The following GALNT13 variants were observed in gnomAD, a reference collection of about 807,000 sequenced individuals.
The protein encoded by GALNT13 is UDP-GalNAc:polypeptide N-acetylgalactosaminyltransferase 13.
In GALNT13, 28 loss-of-function variants were observed where a neutral mutation model predicts 64.2. The ratio of observed to expected loss-of-function variants is 0.44; its 90% confidence interval spans 0.32 to 0.60. The LOEUF is 0.60. Among genes scored for constraint, GALNT13 ranks in the 20% least tolerant of loss-of-function variants. The pLI is 0.05. For synonymous variants in GALNT13, 214 were observed against 224.6 expected (o/e 0.95, Z 0.42); for missense variants, 577 against 669.8 (o/e 0.86, Z 1.53).
chr2:154,100,771 T>A (rs903667108), intron 3 of GALNT13, among the ~76,000 whole-genome samples: 21 of 152,152 alleles, frequency 1.4e-4, no homozygotes, highest in Admixed American at 1.3e-3. Context: ...TGGGCCTTTT[T>A]GTCTCTTTCC....
the GALNT13 span, among the ~76,000 whole-genome samples, chr2:153,251,933 G>A: frequency 6.3e-4 from 95 of 151,830 alleles, no homozygotes; most frequent in Non-Finnish European, 2.6e-4. Flanking sequence ...ATAAACATAC[G>A]TGTGCCTGTG....
intron 3 of GALNT13, among the ~76,000 whole-genome samples, chr2:154,067,809 T>C (rs1574442820): frequency 1.3e-5 from 2 of 152,134 alleles, no homozygotes; most frequent in East Asian, 3.9e-4. Flanking sequence ...TGGTCTGAGC[T>C]AAGATTTCTT....
rs138594565 is a variant in GALNT13, at chr2:153,959,948, G to A, written c.142+15309G>A. Among the ~76,000 whole-genome samples the A allele has an allele frequency of 2.8e-3, 419 of 152,250 alleles. 9 individuals are homozygous for A. The East Asian group carries it at 0.057, about 21-fold the overall frequency. On this transcript the variant is annotated intron_variant, in intron 3 of 12. Transcript: ENST00000392825. Reference sequence around the variant, plus strand: ...CAGACAGCCTCACAGCCGTCTCACCGATGGGCTCAGCTGCCACAGTGGGAG... The same window carrying A: ...CAGACAGCCTCACAGCCGTCTCACCAATGGGCTCAGCTGCCACAGTGGGAG...
At chr2:153,591,766 G>C in the GALNT13 span, among the ~76,000 whole-genome samples, 14 of 151,884 alleles carry the variant, frequency 9.2e-5, no homozygotes, top group South Asian at 2.7e-3. Flanking sequence ...CTGGACATTA[G>C]GCAAAAAATT....
At chr2:153,745,257 A>T in the GALNT13 span, among the ~76,000 whole-genome samples, 1 of 152,180 alleles carries the variant, frequency 6.6e-6, no homozygotes, top group Non-Finnish European at 1.5e-5. Context: ...TGGTTATAAA[A>T]ACAGGTTATG....
At chr2:153,228,004 A>C in the GALNT13 span, among the ~76,000 whole-genome samples, 1 of 152,238 alleles carries the variant, frequency 6.6e-6, no homozygotes, top group African/African-American at 2.4e-5. Flanking sequence ...TCTATTCCTT[A>C]TAAGTTGGAT....
the GALNT13 span, among the ~76,000 whole-genome samples, chr2:153,693,619 T>C: frequency 7.2e-5 from 11 of 151,828 alleles, no homozygotes; most frequent in Non-Finnish European, 4.4e-5. Flanking sequence ...GGAACTTCAA[T>C]ATTTAGAGGA....
intron 3 of GALNT13, among the ~76,000 whole-genome samples, chr2:154,126,415 C>A (rs1488780727): frequency 6.6e-6 from 1 of 151,970 alleles, no homozygotes; most frequent in Non-Finnish European, 1.5e-5. Context: ...GCGGGCAGAT[C>A]ACGAGGTCAG....
the GALNT13 span, among the ~76,000 whole-genome samples, chr2:153,582,186 A>G: frequency 1.3e-5 from 2 of 152,286 alleles, no homozygotes; most frequent in Admixed American, 1.3e-4. Flanking sequence ...GGAAATACAG[A>G]ATCAGCCATT....
At chr2:154,397,839 A>G (rs996412056) in intron 10 of GALNT13, among the ~76,000 whole-genome samples, 2 of 152,154 alleles carry the variant, frequency 1.3e-5, no homozygotes, top group Non-Finnish European at 2.9e-5. Context: ...GTGTAATAGC[A>G]TTGATTTTAC....
the GALNT13 span, among the ~76,000 whole-genome samples, chr2:153,267,270 A>G: frequency 6.6e-6 from 1 of 151,796 alleles, no homozygotes; most frequent in Admixed American, 6.6e-5. Flanking sequence ...TTTCCAGGGG[A>G]CTCTGGAAAA....
At chr2:154,206,093 G>A (rs1159796433) in intron 4 of GALNT13, among the ~76,000 whole-genome samples, 1 of 151,924 alleles carries the variant, frequency 6.6e-6, no homozygotes, top group Non-Finnish European at 1.5e-5. Context: ...CACCTCCCGG[G>A]TTCACTCCAT....
At chr2:154,106,176 G>A (rs1702606180) in intron 3 of GALNT13, among the ~76,000 whole-genome samples, 1 of 152,102 alleles carries the variant, frequency 6.6e-6, no homozygotes, top group Admixed American at 6.5e-5. Context: ...TAGTGCAGAA[G>A]TTTTTAATTG....
chr2:153,573,303 C>A, the GALNT13 span, among the ~76,000 whole-genome samples: 2 of 151,760 alleles, frequency 1.3e-5, no homozygotes, highest in Non-Finnish European at 2.9e-5. Flanking sequence ...ATATCTTTTT[C>A]CATTTATTTA....
the GALNT13 span, among the ~76,000 whole-genome samples, chr2:153,644,343 A>G: frequency 6.6e-6 from 1 of 152,238 alleles, no homozygotes; most frequent in South Asian, 2.1e-4. Flanking sequence ...TTCCTCCTGA[A>G]TAATGAAAAT....
At chr2:153,437,987 T>G in the GALNT13 span, among the ~76,000 whole-genome samples, 1 of 152,216 alleles carries the variant, frequency 6.6e-6, no homozygotes. Context: ...CCATGTTTAG[T>G]GCTTCCTTCA....
At chr2:154,390,130 A>G (rs1698715486) in intron 9 of GALNT13, among the ~76,000 whole-genome samples, 1 of 152,234 alleles carries the variant, frequency 6.6e-6, no homozygotes, top group African/African-American at 2.4e-5. Flanking sequence ...CAGTGTCATT[A>G]TGATCTTCCA....
intron 9 of GALNT13, among the ~76,000 whole-genome samples, chr2:154,390,002 C>T (rs1698709339): frequency 1.3e-5 from 2 of 151,832 alleles, no homozygotes; most frequent in South Asian, 4.2e-4. Context: ...TAGTTGATTT[C>T]CTAAGAAAGG....
At chr2:153,712,685 A>C in the GALNT13 span, among the ~76,000 whole-genome samples, 4 of 152,152 alleles carry the variant, frequency 2.6e-5, no homozygotes, top group Non-Finnish European at 5.9e-5. Context: ...TTTCAAATTC[A>C]CAAGCAACTT....
Sources: allele counts gnomAD v4.1 joint callset (sites outside exome capture counted in the v4.1 genomes callset), GRCh38; gene constraint gnomAD v4.1.1; transcripts MANE v1.5; gene names NCBI Gene and HGNC (gene_info 2026-07-23, HGNC 2026-07-21).